FMNL2: variants seen among roughly 807,000 people sequenced by gnomAD.
The protein encoded by FMNL2 is formin like 2.
A neutral mutation model predicts 130.2 loss-of-function variants in FMNL2; 51 were observed. The observed-to-expected ratio is 0.39, with a 90% CI of 0.31 to 0.49. The LOEUF (loss-of-function observed/expected upper bound fraction) is 0.49. Among genes scored for constraint, FMNL2 ranks in the 20% least tolerant of loss-of-function variants. The probability of loss-of-function intolerance (pLI) is 0.85; values close to 1 mark genes in which losing one functional copy is unlikely to be tolerated. For missense variants in FMNL2, 977 were observed against 1,316.2 expected (o/e 0.74, Z 3.99); for synonymous variants, 465 against 467.1 (o/e 1.00, Z 0.06).
At chr2:152,616,068 AAT>A (rs1698928728) in intron 12 of FMNL2, among the ~76,000 whole-genome samples, 1 of 152,068 alleles carries the variant, frequency 6.6e-6, no homozygotes, top group Non-Finnish European at 1.5e-5. Context: ...AATCAGTGTA[AAT>A]CTCCACTCTT....
intron 9 of FMNL2, among the ~76,000 whole-genome samples, chr2:152,582,497 T>G (rs1008573932): frequency 1.3e-5 from 2 of 152,166 alleles, no homozygotes; most frequent in Admixed American, 6.5e-5. Flanking sequence ...ATATTATCTT[T>G]TTTTTTCTTT....
At chr2:152,578,789 G>A (rs1490064809) in intron 7 of FMNL2, 99 bp from the exon 8 acceptor site, 8 of 823,842 alleles carry the variant, frequency 9.7e-6, no homozygotes, top group Admixed American at 2.4e-5. Context: ...AGTTTCATTA[G>A]GTAGATACTT....
chr2:152,635,985 C>A (rs1431646105), intron 21 of FMNL2, among the ~76,000 whole-genome samples: 23 of 152,190 alleles, frequency 1.5e-4, no homozygotes. Flanking sequence ...CATTGTGAAA[C>A]CTTGTCTCTA....
At chr2:152,558,594 T>C in intron 4 of FMNL2, 146 bp from the exon 5 acceptor site, 1 of 647,104 alleles carries the variant, frequency 1.5e-6, no homozygotes, top group African/African-American at 1.8e-5. Flanking sequence ...TCCTGCCTCA[T>C]GTGAAGTAGT....
chr2:152,536,077 A>C (rs1693981038), intron 2 of FMNL2, among the ~76,000 whole-genome samples: 1 of 152,230 alleles, frequency 6.6e-6, no homozygotes. Context: ...TGGGAGGGCA[A>C]GGTGTTAGGG....
At chr2:152,358,957 G>A (rs1333584132) in intron 1 of FMNL2, among the ~76,000 whole-genome samples, 1 of 151,038 alleles carries the variant, frequency 6.6e-6, no homozygotes, top group Non-Finnish European at 1.5e-5. Context: ...TTTCCTTGAT[G>A]AAGTTGGTGT....
At chr2:152,583,608 G>A (rs1460495770) in intron 9 of FMNL2, among the ~76,000 whole-genome samples, 6 of 152,102 alleles carry the variant, frequency 3.9e-5, no homozygotes, top group Non-Finnish European at 8.8e-5. Flanking sequence ...CTCAAATAAC[G>A]ATGTTCTGGA....
intron 1 of FMNL2, among the ~76,000 whole-genome samples, chr2:152,468,467 A>G (rs934460045): frequency 6.6e-6 from 1 of 151,644 alleles, no homozygotes; most frequent in Admixed American, 6.6e-5. Context: ...TTTTTTTTTC[A>G]TTTGTATATT....
chr2:152,495,653 C>CA lies in FMNL2; in HGVS notation c.118-26276dup, dbSNP rs55989531. ...GTGACAGAGTGAGACTCCGTCTCACCAAAAAAAAAAAAAAGATTTTTTTCA... is the reference window on the plus strand; with the variant it reads ...GTGACAGAGTGAGACTCCGTCTCACCAAAAAAAAAAAAAAAGATTTTTTTCA... On this transcript the variant is annotated intron_variant, in intron 1 of 25. Coordinates refer to ENST00000288670, the MANE Select transcript of FMNL2 (RefSeq NM_052905.4). Among the ~76,000 whole-genome samples, 41 of 48,562 alleles carry CA rather than the reference C, an allele frequency of 8.4e-4. 4 individuals are homozygous for CA. The highest frequency in any genetic ancestry group is 8.6e-4 in the Non-Finnish European group (22 of 25,674). The allele number at this position is 48,562 out of a possible 152,430, so 31.9% of individuals were successfully genotyped here. A position where few individuals can be genotyped will look rare whatever the true frequency, so the allele number is the denominator to read the frequency against.
chr2:152,412,492 ATATATATAT>A (rs1686373020), intron 1 of FMNL2, among the ~76,000 whole-genome samples: 3 of 98,938 alleles, frequency 3.0e-5, no homozygotes, highest in Admixed American at 9.6e-5. Context: ...ATATATATAT[ATATATATAT>A]AAATTAGAAA....
At chr2:152,408,823 C>CGTATG (rs1324182720) in intron 1 of FMNL2, among the ~76,000 whole-genome samples, 2 of 152,026 alleles carry the variant, frequency 1.3e-5, no homozygotes, top group Non-Finnish European at 1.5e-5. Flanking sequence ...ACAGAATGGT[C>CGTATG]GTATGGGTAC....
intron 12 of FMNL2, 98 bp from the exon 13 acceptor site, chr2:152,616,993 C>A: frequency 1.1e-6 from 1 of 944,154 alleles, no homozygotes; most frequent in East Asian, 2.5e-5. Context: ...ACATGCAGGG[C>A]CCTGGTCCCT....
intron 6 of FMNL2, among the ~76,000 whole-genome samples, chr2:152,566,146 C>A (rs1252531160): frequency 6.6e-6 from 1 of 152,142 alleles, no homozygotes; most frequent in African/African-American, 2.4e-5. Context: ...CCACTTGTAT[C>A]CTTAGTGGAT....
At position 152,358,784 on chromosome 2, in the gene FMNL2, G is replaced by A. The variant is rs187814226; in HGVS notation, c.117+23064G>A. On this transcript the variant is annotated intron_variant, in intron 1 of 25. Coordinates refer to ENST00000288670, the MANE Select transcript of FMNL2 (RefSeq NM_052905.4). Reference sequence around the variant, plus strand: ...CTTGTCATATTGATGGACATATGAGGTTATTACAAGTAACGTTACAATCAA... The same window carrying A: ...CTTGTCATATTGATGGACATATGAGATTATTACAAGTAACGTTACAATCAA... Among the ~76,000 whole-genome samples, 324 of 152,260 alleles carry A rather than the reference G, an allele frequency of 2.1e-3. 1 individual carries two copies. Among genetic ancestry groups the A allele is most frequent in the African/African-American group, 6.4e-3 (266 of 41,536 alleles).
At chr2:152,630,022 G>A (rs1317716268) in intron 20 of FMNL2, 117 bp downstream of exon 20, 3 of 883,140 alleles carry the variant, frequency 3.4e-6, no homozygotes, top group Non-Finnish European at 5.2e-6. Context: ...GGATCAACTG[G>A]TACTAATTTT....
chr2:152,568,223 T>TG (rs1553478441), intron 6 of FMNL2, among the ~76,000 whole-genome samples: 9 of 132,274 alleles, frequency 6.8e-5, no homozygotes, highest in East Asian at 2.2e-4. Flanking sequence ...GGTGGGTTTT[T>TG]TTTTTTTTTT....
chr2:152,568,223 T>TTTTTTTTTTGTTTTGTTGTTG (rs11275578), intron 6 of FMNL2, among the ~76,000 whole-genome samples: 1 of 132,276 alleles, frequency 7.6e-6, no homozygotes, highest in Non-Finnish European at 1.6e-5. Context: ...GGTGGGTTTT[T>TTTTTTTTTTGTTTTGTTGTTG]TTTTTTTTTT....
chr2:152,636,377 G>A, intron 21 of FMNL2, 50 bp from the exon 22 acceptor site: 1 of 1,565,930 alleles, frequency 6.4e-7, no homozygotes, highest in East Asian at 2.3e-5. Flanking sequence ...ATTCGCTGTG[G>A]TTGTGACTTC....
In FMNL2 at chr2:152,335,216, C is replaced by G. The variant is rs887293065; in HGVS notation, c.-388C>G. On this transcript the variant is annotated 5_prime_UTR_variant, in exon 1 of 26. Coordinates refer to ENST00000288670, the MANE Select transcript of FMNL2 (RefSeq NM_052905.4). ...GCCAGGCAGGCGCAGCCGTGGCCGGCTAGGGCTGGAAGTGTCAGCGGCGGC... is the reference window on the plus strand; with the variant it reads ...GCCAGGCAGGCGCAGCCGTGGCCGGGTAGGGCTGGAAGTGTCAGCGGCGGC... 4 of 154,876 alleles carry G rather than the reference C, an allele frequency of 2.6e-5. No individual in the cohort carries two copies. Among genetic ancestry groups the G allele is most frequent in the African/African-American group, 7.2e-5 (3 of 41,528 alleles). 9.6% of individuals were successfully genotyped at this position (154,876 alleles called of 1,614,324 possible). A position where few individuals can be genotyped will look rare whatever the true frequency, so the allele number is the denominator to read the frequency against.
Sources: allele counts gnomAD v4.1 joint callset (sites outside exome capture counted in the v4.1 genomes callset), GRCh38; gene constraint gnomAD v4.1.1; transcripts MANE v1.5; gene names NCBI Gene and HGNC (gene_info 2026-07-23, HGNC 2026-07-21).